SLC25A13: variants seen among roughly 807,000 people sequenced by gnomAD.
SLC25A13 encodes the protein solute carrier family 25 member 13.
A neutral mutation model predicts 85.5 loss-of-function variants in SLC25A13; 70 were observed. The observed-to-expected ratio is 0.82, with a 90% CI of 0.68 to 1.00. The LOEUF (loss-of-function observed/expected upper bound fraction) is 1.00, where lower values mean the gene tolerates loss of function less well. Ranked by LOEUF, SLC25A13 falls within the 50% of genes least tolerant of loss-of-function variation. The probability of loss-of-function intolerance (pLI) is 0.00; values close to 1 mark genes in which losing one functional copy is unlikely to be tolerated. For missense variants in SLC25A13, 765 were observed against 819.8 expected, an observed-to-expected ratio of 0.93 and a Z score of 0.82; for synonymous variants, 259 against 288.7, an observed-to-expected ratio of 0.90 and a Z score of 1.04.
chr7:96,236,288 C>T (rs1796738877), intron 3 of SLC25A13, among the ~76,000 whole-genome samples: 1 of 151,960 alleles, frequency 6.6e-6, no homozygotes. Flanking sequence ...ACATTTTATC[C>T]TCTACTAAGG....
intron 1 of SLC25A13, among the ~76,000 whole-genome samples, chr7:96,308,995 C>T (rs1225377961): frequency 1.3e-5 from 2 of 152,176 alleles, no homozygotes; most frequent in Admixed American, 6.5e-5. Flanking sequence ...TGAGCTTTCA[C>T]TTCTGGAACT....
rs1375829699 is a variant in SLC25A13 at position 96,232,385 on chromosome 7, A to G, written c.328+2417T>C. Among the ~76,000 whole-genome samples, 6 of 152,178 alleles carry G rather than the reference A, an allele frequency of 3.9e-5. No individual in the cohort carries two copies. The South Asian group carries it at 1.0e-3, about 26-fold the overall frequency. ...CTCATGTATATGTGGGAGCTAAGTG[A>G]TAAGAACACAAGGACACAGAGAGGA... On this transcript the variant is annotated intron_variant, in intron 4 of 17. Coordinates refer to ENST00000265631, the MANE Select transcript of SLC25A13 (RefSeq NM_014251.3).
At chr7:96,313,785 A>G (rs1347463543) in intron 1 of SLC25A13, among the ~76,000 whole-genome samples, 1 of 152,088 alleles carries the variant, frequency 6.6e-6, no homozygotes, top group Non-Finnish European at 1.5e-5. Context: ...ATTTTTTAAA[A>G]TGTACATTTA....
chr7:96,191,294 T>C lies in SLC25A13; in HGVS notation c.616-47A>G, dbSNP rs760424590. On this transcript the variant is annotated intron_variant, in intron 6 of 17. Transcript: ENST00000265631. ...AGAGAAGAAAAATATACAAAAGATT[T>C]ATAGATGATTCAGAAGTACATACAT... The C allele has an allele frequency of 4.4e-6, 7 of 1,599,676 alleles. No homozygotes were observed. The South Asian group carries it at 4.4e-5, about 10-fold the overall frequency.
intron 11 of SLC25A13, among the ~76,000 whole-genome samples, chr7:96,183,145 G>A (rs532800751): frequency 5.9e-5 from 9 of 152,270 alleles, no homozygotes; most frequent in Non-Finnish European, 1.3e-4. Flanking sequence ...GAAGAGGCAG[G>A]GGATAAGGAA....
chr7:96,304,228 T>A lies in SLC25A13; in HGVS notation c.16-7277A>T, dbSNP rs1174578331. 4.6e-5 allele frequency among the ~76,000 whole-genome samples: 7 copies of A among 152,336 alleles called. No homozygotes were observed. The East Asian group carries it at 1.3e-3, about 29-fold the overall frequency. On this transcript the variant is annotated intron_variant, in intron 1 of 17. Coordinates refer to ENST00000265631, the MANE Select transcript of SLC25A13 (RefSeq NM_014251.3). ...AGACAAGATGCCCTGTTAAGCATTC[T>A]TCAAACCACAACATTTCTATGTAAT... is the stretch of plus-strand genomic sequence containing the variant.
chr7:96,222,646 G>A (rs1167022535), intron 4 of SLC25A13, among the ~76,000 whole-genome samples: 1 of 151,932 alleles, frequency 6.6e-6, no homozygotes, highest in African/African-American at 2.4e-5. Context: ...GGGTTTCACC[G>A]TGTTGGCCAG....
At chr7:96,288,498 G>T (rs1036598274) in intron 2 of SLC25A13, among the ~76,000 whole-genome samples, 2 of 152,210 alleles carry the variant, frequency 1.3e-5, no homozygotes, top group South Asian at 4.1e-4. Flanking sequence ...AGCGCAAGGG[G>T]TCAGGGAATT....
chr7:96,143,567 C>G (rs1792655547), intron 14 of SLC25A13, among the ~76,000 whole-genome samples: 1 of 152,184 alleles, frequency 6.6e-6, no homozygotes, highest in African/African-American at 2.4e-5. Flanking sequence ...TAAATGTTAG[C>G]ATTTTAGAGG....
intron 3 of SLC25A13, among the ~76,000 whole-genome samples, chr7:96,250,742 A>AAAAAAAAAAAC (rs1797390521): frequency 6.8e-6 from 1 of 148,056 alleles, no homozygotes; most frequent in African/African-American, 2.6e-5. Context: ...CCTGTTACAA[A>AAAAAAAAAAAC]AAAAAAAAAA....
intron 14 of SLC25A13, among the ~76,000 whole-genome samples, chr7:96,140,454 G>A (rs1324352794): frequency 1.4e-5 from 2 of 141,094 alleles, no homozygotes; most frequent in Non-Finnish European, 3.0e-5. Context: ...ACCCAGGCTG[G>A]AGTGCAGTGG....
chr7:96,314,596 T>A (rs1800065184), intron 1 of SLC25A13, among the ~76,000 whole-genome samples: 1 of 152,088 alleles, frequency 6.6e-6, no homozygotes, highest in Non-Finnish European at 1.5e-5. Context: ...TGTAGGTGTT[T>A]ATGAGGCAGC....
chr7:96,249,001 T>C (rs1247761862), intron 3 of SLC25A13, among the ~76,000 whole-genome samples: 2 of 152,098 alleles, frequency 1.3e-5, no homozygotes, highest in African/African-American at 4.8e-5. Context: ...CAAATAAGAA[T>C]TAAAATAAAA....
intron 3 of SLC25A13, among the ~76,000 whole-genome samples, chr7:96,259,705 G>C (rs1431905602): frequency 1.3e-5 from 2 of 151,922 alleles, no homozygotes; most frequent in African/African-American, 4.8e-5. Context: ...CTCATTACTG[G>C]GTATATACCC....
intron 4 of SLC25A13, among the ~76,000 whole-genome samples, chr7:96,231,191 A>G (rs1308522195): frequency 6.6e-6 from 1 of 152,186 alleles, no homozygotes; most frequent in Non-Finnish European, 1.5e-5. Flanking sequence ...TGGAGAGTGG[A>G]ATGGGCAAAG....
chr7:96,169,967 T>C, intron 13 of SLC25A13, 78 bp downstream of exon 13: 1 of 1,404,178 alleles, frequency 7.1e-7, no homozygotes, highest in South Asian at 1.2e-5. Context: ...GAAGCCTTAG[T>C]CCACACCTGT....
chr7:96,209,484 C>T (rs929044444), intron 4 of SLC25A13, among the ~76,000 whole-genome samples: 43 of 152,122 alleles, frequency 2.8e-4, no homozygotes, highest in African/African-American at 1.0e-3. Context: ...ATTTAACACC[C>T]CTAAGGCTGT....
intron 17 of SLC25A13, 34 bp from the exon 18 acceptor site, chr7:96,121,411 T>C (rs981543020): frequency 6.2e-7 from 1 of 1,611,458 alleles, no homozygotes; most frequent in African/African-American, 1.3e-5. Context: ...AGAAGCTGTA[T>C]TTTTTGTTTG....
At chr7:96,295,569 A>G (rs966962215) in intron 2 of SLC25A13, among the ~76,000 whole-genome samples, 11 of 152,184 alleles carry the variant, frequency 7.2e-5, no homozygotes, top group Non-Finnish European at 1.3e-4. Context: ...CATAGACTCT[A>G]TATTTCCCAT....
Sources: gnomAD v4.1 joint callset for allele counts (sites outside exome capture counted in the v4.1 genomes callset) on GRCh38, gnomAD v4.1.1 for gene constraint, MANE v1.5 for transcripts, NCBI Gene and HGNC (gene_info 2026-07-23, HGNC 2026-07-21) for gene names.